KAZN: variants seen among roughly 807,000 people sequenced by gnomAD.
KAZN encodes kazrin, periplakin interacting protein.
Under a neutral mutation model 87.4 loss-of-function variants are expected in KAZN, and 40 were observed. The ratio of observed to expected loss-of-function variants is 0.46; its 90% confidence interval spans 0.36 to 0.60. The LOEUF is 0.60. Among genes scored for constraint, KAZN ranks in the 20% least tolerant of loss-of-function variants. The pLI is 0.00. For synonymous variants in KAZN, 466 were observed against 458.3 expected (o/e 1.02, Z -0.22); for missense variants, 898 against 1,073.9 (o/e 0.84, Z 2.29).
chr1:14,127,067 C>T (rs1644887916), intron 1 of KAZN, among the ~76,000 whole-genome samples: 1 of 151,920 alleles, frequency 6.6e-6, no homozygotes, highest in Admixed American at 6.6e-5. Context: ...GCTCACACCA[C>T]TGCACCCCAG....
chr1:14,259,331 C>A (rs1650829071), intron 2 of KAZN, among the ~76,000 whole-genome samples: 1 of 152,138 alleles, frequency 6.6e-6, no homozygotes, highest in South Asian at 2.1e-4. Flanking sequence ...GTGCTCCTTT[C>A]CCTTCCCCAA....
intron 10 of KAZN, among the ~76,000 whole-genome samples, chr1:15,100,708 G>T (rs936910996): frequency 6.6e-6 from 1 of 152,192 alleles, no homozygotes; most frequent in Non-Finnish European, 1.5e-5. Context: ...TAAGAGAGAG[G>T]GTTTGTAATC....
intron 2 of KAZN, among the ~76,000 whole-genome samples, chr1:14,569,320 C>CT (rs35144232): frequency 0.35 from 32,032 of 91,544 alleles, 7,690 homozygotes; most frequent in Admixed American, 0.45. Context: ...ACTTCCTCTG[C>CT]TTTTTTTTTT....
intron 1 of KAZN, among the ~76,000 whole-genome samples, chr1:14,003,855 C>T (rs1038382661): frequency 3.3e-5 from 5 of 151,748 alleles, no homozygotes; most frequent in Admixed American, 6.6e-5. Flanking sequence ...CTAACCATAA[C>T]GAAAAAAGGA....
At chr1:14,583,102 A>T (rs1248480029) in intron 2 of KAZN, among the ~76,000 whole-genome samples, 1 of 152,216 alleles carries the variant, frequency 6.6e-6, no homozygotes, top group East Asian at 1.9e-4. Context: ...TATGCGACAG[A>T]AACTACACTA....
chr1:14,951,595 G>A (rs1482146926), intron 1 of KAZN, among the ~76,000 whole-genome samples: 2 of 151,934 alleles, frequency 1.3e-5, no homozygotes, highest in African/African-American at 4.8e-5. Flanking sequence ...TCCTGCCTCA[G>A]CCTCCCAAGT....
At chr1:14,257,126 T>C (rs553315946) in intron 2 of KAZN, among the ~76,000 whole-genome samples, 1 of 152,306 alleles carries the variant, frequency 6.6e-6, no homozygotes, top group South Asian at 2.1e-4. Context: ...GCCCTGGATG[T>C]AGTGTATGTC....
intron 2 of KAZN, among the ~76,000 whole-genome samples, chr1:14,423,930 C>A (rs1198539721): frequency 6.6e-6 from 1 of 152,164 alleles, no homozygotes; most frequent in Non-Finnish European, 1.5e-5. Flanking sequence ...GAGAATTAAG[C>A]CCAACAGAGG....
intron 2 of KAZN, among the ~76,000 whole-genome samples, chr1:14,580,293 C>T (rs905226978): frequency 6.6e-5 from 10 of 151,982 alleles, no homozygotes; most frequent in East Asian, 1.9e-4. Flanking sequence ...CTGACCAACA[C>T]GGGGAAACCC....
intron 2 of KAZN, among the ~76,000 whole-genome samples, chr1:14,578,984 C>A (rs1330971963): frequency 7.9e-5 from 12 of 152,158 alleles, no homozygotes; most frequent in Admixed American, 7.9e-4. Context: ...CTATCCCCAG[C>A]ACCTGCCTAA....
At chr1:14,269,150 G>C (rs532426275) in intron 2 of KAZN, among the ~76,000 whole-genome samples, 2 of 152,150 alleles carry the variant, frequency 1.3e-5, no homozygotes, top group Non-Finnish European at 2.9e-5. Flanking sequence ...TGCCCCCAAG[G>C]GGGTGAAAAT....
At chr1:15,032,904 G>A (rs191521682) in intron 2 of KAZN, among the ~76,000 whole-genome samples, 8 of 151,912 alleles carry the variant, frequency 5.3e-5, no homozygotes, top group Admixed American at 2.6e-4. Flanking sequence ...AGCCGAAATC[G>A]CGGCACTGTA....
chr1:14,654,253 C>T, intron 1 of KAZN, among the ~76,000 whole-genome samples: 1 of 148,066 alleles, frequency 6.8e-6, no homozygotes, highest in South Asian at 2.1e-4. Context: ...TGCCATTGCA[C>T]TCCAGCCTGG....
intron 1 of KAZN, among the ~76,000 whole-genome samples, chr1:14,151,280 T>C (rs373442211): frequency 5.9e-5 from 9 of 152,288 alleles, no homozygotes; most frequent in African/African-American, 1.9e-4. Context: ...AAAAAGACAC[T>C]AAACTGGTAG....
At chr1:14,377,099 C>G (rs964377810) in intron 2 of KAZN, among the ~76,000 whole-genome samples, 1 of 151,886 alleles carries the variant, frequency 6.6e-6, no homozygotes, top group African/African-American at 2.4e-5. Flanking sequence ...TTGTTATTTC[C>G]AAGTGAAAGC....
intron 1 of KAZN, among the ~76,000 whole-genome samples, chr1:14,127,099 C>G (rs1644888370): frequency 9.8e-6 from 1 of 102,198 alleles, no homozygotes; most frequent in Non-Finnish European, 1.8e-5. Flanking sequence ...GAATGCGACT[C>G]CATCTCAAAC....
intron 1 of KAZN, among the ~76,000 whole-genome samples, chr1:14,670,950 A>G (rs1639880894): frequency 6.6e-6 from 1 of 152,176 alleles, no homozygotes. Context: ...GGAAAATTCT[A>G]CTGGCATCCG....
intron 1 of KAZN, among the ~76,000 whole-genome samples, chr1:14,808,486 C>G (rs190101289): frequency 0.014 from 2,055 of 150,198 alleles, 18 homozygotes; most frequent in African/African-American, 0.027. Flanking sequence ...TTAGTAGAGA[C>G]GGGGTTTCAC....
intron 1 of KAZN, among the ~76,000 whole-genome samples, chr1:14,840,821 A>G (rs1647878656): frequency 6.6e-6 from 1 of 152,226 alleles, no homozygotes; most frequent in Non-Finnish European, 1.5e-5. Context: ...ATATCTATTG[A>G]ATGCATGCCT....
Sources: gnomAD v4.1 joint callset for allele counts (sites outside exome capture counted in the v4.1 genomes callset) on GRCh38, gnomAD v4.1.1 for gene constraint, MANE v1.5 for transcripts, NCBI Gene and HGNC (gene_info 2026-07-23, HGNC 2026-07-21) for gene names.